The following DISP1 variants were observed in gnomAD, a reference collection of about 807,000 sequenced individuals.
DISP1 encodes the protein dispatched RND transporter family member 1.
DISP1 carries 30 observed loss-of-function variants against 37.3 expected under a neutral mutation model. That is an observed-to-expected ratio of 0.80 (90% CI 0.60 to 1.09). The LOEUF is 1.09. DISP1 is among the 50% of genes least tolerant of loss of function. DISP1 has a pLI of 0.00. For synonymous variants in DISP1, 634 were observed against 690.2 expected (o/e 0.92, Z 1.28); for missense variants, 1,598 against 1,879.5 (o/e 0.85, Z 2.77).
chr1:222,991,014 T>C (rs949816156), intron 5 of DISP1, among the ~76,000 whole-genome samples: 1 of 152,210 alleles, frequency 6.6e-6, no homozygotes, highest in Admixed American at 6.5e-5. Context: ...AGAATCTGCC[T>C]TCTACAAAAT....
At chr1:222,913,198 C>A (rs573800550) in intron 1 of DISP1, among the ~76,000 whole-genome samples, 6 of 152,214 alleles carry the variant, frequency 3.9e-5, no homozygotes, top group Admixed American at 2.6e-4. Flanking sequence ...TGCTTGTATT[C>A]TCTTTAAAGA....
intron 1 of DISP1, among the ~76,000 whole-genome samples, chr1:222,844,941 CAATTA>C (rs1667819342): frequency 6.6e-6 from 1 of 152,054 alleles, no homozygotes; most frequent in Admixed American, 6.6e-5. Flanking sequence ...TGCTGGGCAA[CAATTA>C]AAACTTCAAA....
chr1:222,971,791 C>T (rs1242160016), intron 3 of DISP1, among the ~76,000 whole-genome samples: 1 of 152,024 alleles, frequency 6.6e-6, no homozygotes, highest in African/African-American at 2.4e-5. Flanking sequence ...CATATCTTCA[C>T]TGAGGTTATA....
At chr1:222,959,371 C>T (rs1675857205) in intron 3 of DISP1, among the ~76,000 whole-genome samples, 1 of 152,118 alleles carries the variant, frequency 6.6e-6, no homozygotes. Context: ...CTATTACTGT[C>T]ATTTTCATTT....
In DISP1 at chr1:223,004,926, C is replaced by T; in HGVS notation, c.3529C>T (p.His1177Tyr). 1 of 1,612,224 alleles carries T rather than the reference C, an allele frequency of 6.2e-7. No homozygotes were observed. Among genetic ancestry groups the T allele is most frequent in the Non-Finnish European group, 8.5e-7 (1 of 1,180,020 alleles). Residue 1177 changes from histidine (H) to tyrosine (Y), a missense_variant, in exon 9 of 9, where the codon CAT becomes TAT. His to Tyr is a moderately conservative substitution (Grantham distance 83, BLOSUM62 2). Coordinates refer to ENST00000675850, the MANE Select transcript of DISP1 (RefSeq NM_001377229.1). The surrounding 1 kb of genome is among the most constrained non-coding windows in gnomAD (Gnocchi z 4.9). ...CAAAACACATACCATAAATGCTTAT[C>T]ATTTAGATCCCAGGGGCCCAAAATC... ...QSKTHTINAY[H>Y]LDPRGPKSEL...
At chr1:222,957,357 G>A (rs905289617) in intron 3 of DISP1, among the ~76,000 whole-genome samples, 12 of 152,116 alleles carry the variant, frequency 7.9e-5, no homozygotes, top group African/African-American at 2.9e-4. Context: ...GGGAAGCCGA[G>A]GTGGATGGAT....
At chr1:222,953,261 T>C (rs1262976159) in intron 3 of DISP1, among the ~76,000 whole-genome samples, 1 of 152,248 alleles carries the variant, frequency 6.6e-6, no homozygotes, top group African/African-American at 2.4e-5. Context: ...CAAATTTTAA[T>C]CTCCCTTCTG....
At chr1:222,978,181 G>C (rs34673329) in intron 3 of DISP1, among the ~76,000 whole-genome samples, 3,574 of 152,058 alleles carry the variant, frequency 0.024, 138 homozygotes, top group African/African-American at 0.082. Context: ...TCTCCAGCAC[G>C]TGTTGTTTCC....
intron 2 of DISP1, among the ~76,000 whole-genome samples, chr1:222,939,209 A>G (rs1324997794): frequency 1.3e-5 from 2 of 152,196 alleles, no homozygotes; most frequent in Non-Finnish European, 2.9e-5. Flanking sequence ...GCATTTTACC[A>G]TGTGGAAAAA....
chr1:222,949,117 G>C (rs1675018358), intron 3 of DISP1, among the ~76,000 whole-genome samples: 1 of 152,076 alleles, frequency 6.6e-6, no homozygotes, highest in Non-Finnish European at 1.5e-5. Context: ...ATTAAGGCCA[G>C]GCGTGGTGGC....
intron 1 of DISP1, among the ~76,000 whole-genome samples, chr1:222,821,543 C>T (rs1389312554): frequency 3.3e-5 from 5 of 152,026 alleles, no homozygotes; most frequent in Non-Finnish European, 7.4e-5. Flanking sequence ...ATGGTGTTCT[C>T]GTGATAGTGA....
At chr1:222,834,221 T>G (rs1456291910) in intron 1 of DISP1, among the ~76,000 whole-genome samples, 1 of 152,176 alleles carries the variant, frequency 6.6e-6, no homozygotes, top group African/African-American at 2.4e-5. Context: ...TGATTCTTTC[T>G]TCGTCTTCAA....
Position 223,005,620 on chromosome 1 carries a change from A to G in DISP1, c.4223A>G (p.Asp1408Gly), listed in dbSNP as rs763783431. The stretch of plus-strand genomic sequence containing the variant: ...GGATCGTTACTCAAAACGTGTTGCG[A>G]CCCCGAGAATAAACAAAGGGAACTC... ...STGSLLKTCC[D>G]PENKQRELCK... Residue 1408 changes from aspartate (D) to glycine (G), a missense_variant, in exon 9 of 9, where the codon GAC (aspartate) becomes GGC (glycine). Asp to Gly is a moderately conservative substitution (Grantham distance 94, BLOSUM62 -1). Coordinates refer to ENST00000675850, the MANE Select transcript of DISP1 (RefSeq NM_001377229.1). 6.2e-7 allele frequency: 1 copy of G among 1,607,286 alleles called. No individual in the cohort carries two copies. The highest frequency in any genetic ancestry group is 1.1e-5 in the South Asian group (1 of 90,710).
intron 1 of DISP1, among the ~76,000 whole-genome samples, chr1:222,884,288 A>G (rs901699057): frequency 5.3e-5 from 8 of 152,272 alleles, no homozygotes; most frequent in African/African-American, 1.7e-4. Flanking sequence ...CCATAGCACA[A>G]TTATTGAAAC....
At chr1:222,891,026 A>G (rs538692433) in intron 1 of DISP1, among the ~76,000 whole-genome samples, 2 of 152,236 alleles carry the variant, frequency 1.3e-5, no homozygotes, top group South Asian at 2.1e-4. Context: ...ATTCTGAGGT[A>G]CTGAGGGTTA....
chr1:222,905,263 A>G (rs993908251), intron 1 of DISP1, among the ~76,000 whole-genome samples: 2 of 152,200 alleles, frequency 1.3e-5, no homozygotes, highest in Non-Finnish European at 2.9e-5. Flanking sequence ...CATATTAGTA[A>G]TGCTCGGAAT....
intron 1 of DISP1, among the ~76,000 whole-genome samples, chr1:222,862,905 A>G (rs2125329217): frequency 6.6e-6 from 1 of 152,118 alleles, no homozygotes; most frequent in East Asian, 1.9e-4. Flanking sequence ...GGTAAGTTTC[A>G]TGTCTCTTTA....
chr1:222,830,388 C>CT lies in DISP1; in HGVS notation c.-159+15320dup, dbSNP rs1389456272. 3.7e-4 allele frequency among the ~76,000 whole-genome samples: 55 copies of CT among 146,728 alleles called. No homozygotes were observed. In the East Asian group the frequency reaches 4.8e-3, roughly 13 times the overall value. On this transcript the variant is annotated intron_variant, in intron 1 of 8. Coordinates refer to ENST00000675850, the MANE Select transcript of DISP1 (RefSeq NM_001377229.1). The stretch of plus-strand genomic sequence containing the variant: ...TCCTTCCGTCCTTCCTTCCACCTTC[C>CT]TTTTTTTTTTGAGACAGCGTCTCGC...
intron 3 of DISP1, among the ~76,000 whole-genome samples, chr1:222,963,875 C>T (rs35456952): frequency 0.47 from 71,805 of 151,712 alleles, 18,801 homozygotes; most frequent in Non-Finnish European, 0.59. Flanking sequence ...ACATGTATCC[C>T]GGAACTTAAA....
Sources: gnomAD v4.1 joint callset for allele counts (sites outside exome capture counted in the v4.1 genomes callset) on GRCh38, gnomAD v4.1.1 for gene constraint, Gnocchi (gnomAD v3.1) non-coding constraint, MANE v1.5 for transcripts, NCBI Gene and HGNC (gene_info 2026-07-23, HGNC 2026-07-21) for gene names.